FSIP2: variants seen among roughly 807,000 people sequenced by gnomAD.
FSIP2 encodes the protein fibrous sheath interacting protein 2.
A neutral mutation model predicts 510.5 loss-of-function variants in FSIP2; 367 were observed. That is an observed-to-expected ratio of 0.72 (90% CI 0.66 to 0.78). The LOEUF is 0.78. FSIP2 is among the 30% of genes least tolerant of loss of function. The pLI, the probability that FSIP2 is intolerant of heterozygous loss-of-function variation, is 0.00. For missense variants in FSIP2, 7,594 were observed against 7,901.7 expected, an observed-to-expected ratio of 0.96 and a Z score of 1.48; for synonymous variants, 2,601 against 2,732.2, an observed-to-expected ratio of 0.95 and a Z score of 1.50.
At chr2:185,777,708 T>C (rs1692757463) in intron 13 of FSIP2, among the ~76,000 whole-genome samples, 1 of 152,112 alleles carries the variant, frequency 6.6e-6, no homozygotes, top group Non-Finnish European at 1.5e-5. Flanking sequence ...AAATCAATTC[T>C]ATCTATCGTG....
Position 185,800,265 on chromosome 2 carries a change from C to A in FSIP2, c.10959C>A (p.Ser3653Arg). 3 of 1,533,720 alleles carry A rather than the reference C, an allele frequency of 2.0e-6. No individual in the cohort carries two copies. Among genetic ancestry groups the A allele is most frequent in the Non-Finnish European group, 2.6e-6 (3 of 1,145,502 alleles). The part of the protein sequence containing the change: ...PLCNKINRQA[S>R]PRDWQFSTQQ... Reference sequence around the variant, plus strand: ...GCAACAAAATCAATAGACAGGCAAGCCCCAGAGACTGGCAATTTTCTACTC... The same window carrying A: ...GCAACAAAATCAATAGACAGGCAAGACCCAGAGACTGGCAATTTTCTACTC... Residue 3653 changes from serine (S) to arginine (R), a missense_variant, in exon 17 of 23, where the codon AGC becomes AGA. Physicochemically the swap from Ser to Arg is moderately radical, Grantham distance 110. Transcript: ENST00000424728.
In FSIP2 at chr2:185,802,585, T is replaced by C. The variant is rs1265796000; in HGVS notation, c.13279T>C (p.Ser4427Pro). ...LLHPLFSGDF[S>P]ASTYSNSVAE... ...TCATCCACTGTTTTCTGGGGATTTT[T>C]CAGCTTCTACCTATTCTAATTCAGT... The change falls in exon 17 of 23, where the codon TCA (serine) becomes CCA (proline). Residue 4427 changes from serine to proline, a missense_variant. Transcript: ENST00000424728. 1 of 1,531,318 alleles carries C rather than the reference T, an allele frequency of 6.5e-7. No homozygotes were observed. Among genetic ancestry groups the C allele is most frequent in the East Asian group, 2.5e-5 (1 of 40,812 alleles). The allele number at this position is 1,531,318 out of a possible 1,614,324, so 94.9% of individuals were successfully genotyped here.
At position 185,744,431 on chromosome 2, in the gene FSIP2, T is replaced by C; in HGVS notation, c.477+20T>C. 1 of 665,062 alleles carries C rather than the reference T, an allele frequency of 1.5e-6. No homozygotes were observed. Among genetic ancestry groups the C allele is most frequent in the Non-Finnish European group, 2.2e-6 (1 of 448,416 alleles). The allele number at this position is 665,062 out of a possible 1,614,324, so 41.2% of individuals were successfully genotyped here. A position where few individuals can be genotyped will look rare whatever the true frequency, so the allele number is the denominator to read the frequency against. On this transcript the variant is annotated intron_variant, in intron 4 of 22. Coordinates refer to ENST00000424728, the MANE Select transcript of FSIP2 (RefSeq NM_173651.4). ...GAACAAGTAAGTTAAATACTTAAAT[T>C]TGGTTTATTTACATAGAGTTTGGAA...
chr2:185,748,122 A>T (rs1317463282), intron 7 of FSIP2, among the ~76,000 whole-genome samples: 1 of 152,058 alleles, frequency 6.6e-6, no homozygotes, highest in Non-Finnish European at 1.5e-5. Context: ...ATACTGTTAC[A>T]TAGCAATTTT....
In FSIP2 at chr2:185,796,525, C is replaced by T; in HGVS notation, c.9389C>T (p.Thr3130Ile). The T allele has an allele frequency of 6.5e-7, 1 of 1,534,976 alleles. No homozygotes were observed. The highest frequency in any genetic ancestry group is 8.7e-7 in the Non-Finnish European group (1 of 1,146,162). Residue 3130 changes from threonine to isoleucine, a missense_variant, in exon 16 of 23, where the codon ACT (threonine) becomes ATT (isoleucine). Physicochemically the swap from Thr to Ile is moderately conservative, Grantham distance 89. Coordinates refer to ENST00000424728, the MANE Select transcript of FSIP2 (RefSeq NM_173651.4). ...ATTGGCACACTAATGGACCAGTGTA[C>T]TTATTTCAATGAGTCTTTGATACAA... ...EIIGTLMDQC[T>I]YFNESLIQNL...
chr2:185,831,680 A>G (rs2105693170), intron 21 of FSIP2, 133 bp from the exon 22 acceptor site: 3 of 644,126 alleles, frequency 4.7e-6, no homozygotes, highest in East Asian at 5.5e-5. Flanking sequence ...GAGACTGCAG[A>G]GCACAGATAT....
intron 13 of FSIP2, among the ~76,000 whole-genome samples, chr2:185,770,788 A>C (rs533530978): frequency 6.6e-6 from 1 of 152,332 alleles, no homozygotes; most frequent in Non-Finnish European, 1.5e-5. Context: ...TTCAATAAAA[A>C]GTCCAAGGTC....
Position 185,803,612 on chromosome 2 carries a change from AATATGAT to A in FSIP2, c.14310_14316del (p.Tyr4770Ter). ...GCAAATGTTTTAATACAAAGAGTTC[AATATGAT>A]ATAAGTAAATCAAGATTCCAAAGAC... On this transcript the variant is annotated frameshift_variant, in exon 17 of 23. Coordinates refer to ENST00000424728, the MANE Select transcript of FSIP2 (RefSeq NM_173651.4). LOFTEE classifies it high-confidence loss of function. 1 of 1,530,284 alleles carries A rather than the reference AATATGAT, an allele frequency of 6.5e-7. No individual in the cohort carries two copies. The highest frequency in any genetic ancestry group is 8.7e-7 in the Non-Finnish European group (1 of 1,143,556). The allele number at this position is 1,530,284 out of a possible 1,614,324, so 94.8% of individuals were successfully genotyped here.
At chr2:185,814,962 G>C (rs186249685) in intron 18 of FSIP2, among the ~76,000 whole-genome samples, 1 of 151,968 alleles carries the variant, frequency 6.6e-6, no homozygotes, top group African/African-American at 2.4e-5. Context: ...GCACACATGA[G>C]TTTGCAACAA....
At chr2:185,814,233 T>C (rs1693792633) in intron 18 of FSIP2, among the ~76,000 whole-genome samples, 191 bp downstream of exon 18, 1 of 151,940 alleles carries the variant, frequency 6.6e-6, no homozygotes, top group Non-Finnish European at 1.5e-5. Flanking sequence ...AAGCAGGTAA[T>C]AGGGGAAAAA....
At chr2:185,748,709 G>A (rs1443591904) in intron 7 of FSIP2, among the ~76,000 whole-genome samples, 4 of 152,008 alleles carry the variant, frequency 2.6e-5, no homozygotes, top group Admixed American at 1.3e-4. Context: ...AAATCAGCCT[G>A]GGAGGAGTGC....
chr2:185,771,756 T>C (rs1171731021), intron 13 of FSIP2, among the ~76,000 whole-genome samples: 1 of 152,242 alleles, frequency 6.6e-6, no homozygotes, highest in African/African-American at 2.4e-5. Flanking sequence ...AGTAAGTGAT[T>C]GCTCCACAAC....
rs1010263962 is a variant in FSIP2 at position 185,792,292 on chromosome 2, G to A, written c.5156G>A (p.Gly1719Glu). ...AGGCCAACATATGGAAGTCTTCCTGGAGGAGCTGAATCAGATTCATTTCTA... is the reference window on the plus strand; with the variant it reads ...AGGCCAACATATGGAAGTCTTCCTGAAGGAGCTGAATCAGATTCATTTCTA... ...RYRPTYGSLP[G>E]GAESDSFLED... Residue 1719 changes from glycine (G) to glutamate (E), a missense_variant, in exon 16 of 23, where the codon GGA becomes GAA. Physicochemically the swap from Gly to Glu is moderately conservative, Grantham distance 98. Transcript: ENST00000424728. 3.3e-6 allele frequency: 5 copies of A among 1,531,842 alleles called. No homozygotes were observed. The allele number at this position is 1,531,842 out of a possible 1,614,324, so 94.9% of individuals were successfully genotyped here. A position where few individuals can be genotyped will look rare whatever the true frequency, so the allele number is the denominator to read the frequency against.
rs1324770668 is a variant in FSIP2, at chr2:185,797,415, G to A, written c.10279G>A (p.Val3427Ile). ...CCCAAAGATAGAGACTGTGAAGGAA[G>A]TTGAAGCCTTTACTTTTGCTGATCA... is the stretch of plus-strand genomic sequence containing the variant. ...EYPKIETVKE[V>I]EAFTFADHEM... Residue 3427 changes from valine (V) to isoleucine (I), a missense_variant, in exon 16 of 23, where the codon GTT (valine) becomes ATT (isoleucine). Physicochemically the swap from Val to Ile is conservative, Grantham distance 29 (BLOSUM62 3). Transcript: ENST00000424728. 2.6e-6 allele frequency: 4 copies of A among 1,531,888 alleles called. No homozygotes were observed. The Admixed American group carries it at 8.0e-5, about 31-fold the overall frequency. The allele number at this position is 1,531,888 out of a possible 1,614,324, so 94.9% of individuals were successfully genotyped here. A position where few individuals can be genotyped will look rare whatever the true frequency, so the allele number is the denominator to read the frequency against.
intron 13 of FSIP2, among the ~76,000 whole-genome samples, chr2:185,780,799 G>A (rs568011102): frequency 6.6e-6 from 1 of 152,186 alleles, no homozygotes; most frequent in African/African-American, 2.4e-5. Context: ...ATAATATTTG[G>A]ATAGGTTGTA....
chr2:185,775,568 A>AT (rs545362494), intron 13 of FSIP2, among the ~76,000 whole-genome samples: 18 of 152,142 alleles, frequency 1.2e-4, no homozygotes, highest in South Asian at 1.0e-3. Context: ...GTCAAGCAGG[A>AT]TTTTTTTATC....
Position 185,795,157 on chromosome 2 carries a change from C to T in FSIP2, c.8021C>T (p.Pro2674Leu). 6.5e-7 allele frequency: 1 copy of T among 1,534,744 alleles called. No individual in the cohort carries two copies. Among genetic ancestry groups the T allele is most frequent in the Non-Finnish European group, 8.7e-7 (1 of 1,146,102 alleles). Reference sequence around the variant, plus strand: ...ACAAGATCAAAAATTACCACTTTGCCTAAATTTACAAAAAAAACACACTTA... The same window carrying T: ...ACAAGATCAAAAATTACCACTTTGCTTAAATTTACAAAAAAAACACACTTA... ...LKTRSKITTL[P>L]KFTKKTHLGL... The change falls in exon 16 of 23, where the codon CCT (proline) becomes CTT (leucine). Residue 2674 changes from proline (P) to leucine (L), a missense_variant. Coordinates refer to ENST00000424728, the MANE Select transcript of FSIP2 (RefSeq NM_173651.4).
chr2:185,791,566 AG>A lies in FSIP2; in HGVS notation c.4431del (p.Gln1477HisfsTer6). ...AATCAGAAAATGGCTGCTGCATTGC[AG>A]TCTAATATTCAGTTAATTTCTAAAG... ...NKNQKMAAALQSNIQLISKAI... is the reference protein window; with the variant it reads ...NKNQKMAAALXSNIQLISKAI... On this transcript the variant is annotated frameshift_variant, in exon 16 of 23. Coordinates refer to ENST00000424728, the MANE Select transcript of FSIP2 (RefSeq NM_173651.4). LOFTEE classifies it high-confidence loss of function. 1 of 1,534,314 alleles carries A rather than the reference AG, an allele frequency of 6.5e-7. No individual in the cohort carries two copies. The highest frequency in any genetic ancestry group is 8.7e-7 in the Non-Finnish European group (1 of 1,145,608).
At chr2:185,761,190 CA>C (rs1692343380) in intron 10 of FSIP2, 87 bp downstream of exon 10, 1 of 490,662 alleles carries the variant, frequency 2.0e-6, no homozygotes, top group Non-Finnish European at 3.5e-6. Flanking sequence ...CCTTCAGCAG[CA>C]TAGTACTGAT....
Sources: allele counts gnomAD v4.1 joint callset (sites outside exome capture counted in the v4.1 genomes callset), GRCh38; gene constraint gnomAD v4.1.1; transcripts MANE v1.5; gene names NCBI Gene and HGNC (gene_info 2026-07-23, HGNC 2026-07-21).